Variants in RSU1 observed in about 807,000 individuals in gnomAD.
RSU1 encodes rsu-1.
RSU1 carries 26 observed loss-of-function variants against 31.1 expected under a neutral mutation model. The observed-to-expected ratio is 0.84, with a 90% CI of 0.61 to 1.16. The LOEUF is 1.16. Ranked by LOEUF, RSU1 falls within the 50% of genes most tolerant of loss-of-function variation. The pLI is 0.00. For missense variants in RSU1, 320 were observed against 339.1 expected, an observed-to-expected ratio of 0.94 and a Z score of 0.44; for synonymous variants, 164 against 136.3, an observed-to-expected ratio of 1.20 and a Z score of -1.41.
At chr10:16,759,145 A>G (rs1588516957) in intron 4 of RSU1, among the ~76,000 whole-genome samples, 1 of 152,070 alleles carries the variant, frequency 6.6e-6, no homozygotes, top group Non-Finnish European at 1.5e-5. Flanking sequence ...CTTCTTGTCT[A>G]AAGGCACTAA....
At chr10:16,666,429 C>A (rs1834989270) in intron 8 of RSU1, among the ~76,000 whole-genome samples, 1 of 152,194 alleles carries the variant, frequency 6.6e-6, no homozygotes, top group Non-Finnish European at 1.5e-5. Flanking sequence ...ACATGTTGAT[C>A]TGAAGATACT....
intron 4 of RSU1, among the ~76,000 whole-genome samples, chr10:16,756,633 A>G (rs1837092076): frequency 6.6e-6 from 1 of 152,270 alleles, no homozygotes; most frequent in South Asian, 2.1e-4. Flanking sequence ...TACATGTAAC[A>G]TACAAAATAT....
At chr10:16,711,439 G>A (rs955952646) in intron 7 of RSU1, among the ~76,000 whole-genome samples, 1 of 152,054 alleles carries the variant, frequency 6.6e-6, no homozygotes, top group African/African-American at 2.4e-5. Context: ...TTTGGGTTCA[G>A]TTTGTTCTTG....
intron 8 of RSU1, among the ~76,000 whole-genome samples, chr10:16,641,235 T>C (rs563869397): frequency 1.7e-3 from 266 of 152,304 alleles, no homozygotes; most frequent in Non-Finnish European, 3.0e-3. Context: ...CACCAACTAA[T>C]TGGTTATGTT....
intron 2 of RSU1, among the ~76,000 whole-genome samples, chr10:16,813,966 C>A (rs1838467964): frequency 6.6e-6 from 1 of 152,144 alleles, no homozygotes; most frequent in East Asian, 1.9e-4. Flanking sequence ...TAGTACAAAA[C>A]CTTACTTTTA....
At chr10:16,653,659 C>G (rs1432246770) in intron 8 of RSU1, among the ~76,000 whole-genome samples, 2 of 151,948 alleles carry the variant, frequency 1.3e-5, no homozygotes, top group African/African-American at 4.8e-5. Context: ...GCTACAAACA[C>G]TGAGTATTAT....
intron 7 of RSU1, among the ~76,000 whole-genome samples, chr10:16,722,234 A>G (rs1836279787): frequency 6.6e-6 from 1 of 152,176 alleles, no homozygotes; most frequent in East Asian, 1.9e-4. Flanking sequence ...AAAACAGAGT[A>G]CTGTTTTTCT....
At chr10:16,801,089 CTTT>C (rs375892886) in intron 2 of RSU1, among the ~76,000 whole-genome samples, 113 of 137,804 alleles carry the variant, frequency 8.2e-4, no homozygotes, top group Middle Eastern at 4.0e-3. Flanking sequence ...CAGTGTGGAT[CTTT>C]TTTTTAAAAA....
At chr10:16,752,013 T>C (rs1183392537) in intron 7 of RSU1, among the ~76,000 whole-genome samples, 1 of 152,080 alleles carries the variant, frequency 6.6e-6, no homozygotes, top group Non-Finnish European at 1.5e-5. Context: ...AAGAACATAT[T>C]TAACAATTCC....
intron 8 of RSU1, among the ~76,000 whole-genome samples, chr10:16,666,259 T>A (rs965081259): frequency 6.6e-6 from 1 of 152,186 alleles, no homozygotes; most frequent in African/African-American, 2.4e-5. Context: ...AGGATATGAT[T>A]TGAAATAATA....
At chr10:16,704,951 C>A (rs186904954) in intron 7 of RSU1, among the ~76,000 whole-genome samples, 11 of 152,052 alleles carry the variant, frequency 7.2e-5, no homozygotes, top group South Asian at 2.1e-4. Flanking sequence ...GTGCAAACAC[C>A]ACTGTACCAT....
At chr10:16,632,714 A>AT (rs1834274982) in intron 8 of RSU1, among the ~76,000 whole-genome samples, 1 of 152,114 alleles carries the variant, frequency 6.6e-6, no homozygotes, top group South Asian at 2.1e-4. Context: ...CGAGATGGGC[A>AT]TATCACTTGA....
intron 7 of RSU1, among the ~76,000 whole-genome samples, chr10:16,734,335 C>T (rs907708261): frequency 1.3e-5 from 2 of 152,110 alleles, no homozygotes; most frequent in Non-Finnish European, 2.9e-5. Flanking sequence ...TTCATGAATC[C>T]TGTGCTCACA....
chr10:16,688,094 T>C (rs1835472593), intron 8 of RSU1, among the ~76,000 whole-genome samples: 1 of 152,170 alleles, frequency 6.6e-6, no homozygotes, highest in Non-Finnish European at 1.5e-5. Flanking sequence ...TTTTGTGTTT[T>C]AAAATGTGAT....
At chr10:16,799,031 A>T (rs1055857925) in intron 2 of RSU1, among the ~76,000 whole-genome samples, 1 of 152,198 alleles carries the variant, frequency 6.6e-6, no homozygotes, top group African/African-American at 2.4e-5. Context: ...CAAAATAACT[A>T]GAGATACATT....
At chr10:16,626,739 C>T (rs1834164481) in intron 8 of RSU1, among the ~76,000 whole-genome samples, 1 of 152,190 alleles carries the variant, frequency 6.6e-6, no homozygotes, top group South Asian at 2.1e-4. Context: ...GGTGGCAACG[C>T]TTCACTGTAG....
intron 2 of RSU1, among the ~76,000 whole-genome samples, chr10:16,786,733 T>C (rs1837799789): frequency 6.6e-6 from 1 of 152,324 alleles, no homozygotes; most frequent in East Asian, 1.9e-4. Flanking sequence ...GTATTTGTAA[T>C]TCTCTCCTCT....
At chr10:16,683,448 T>C (rs191358829) in intron 8 of RSU1, among the ~76,000 whole-genome samples, 1 of 152,338 alleles carries the variant, frequency 6.6e-6, no homozygotes, top group Admixed American at 6.5e-5. Flanking sequence ...TCCACTATAA[T>C]GGTTAATTTG....
chr10:16,619,507 A>G (rs1257760431), intron 8 of RSU1, among the ~76,000 whole-genome samples: 1 of 152,168 alleles, frequency 6.6e-6, no homozygotes, highest in African/African-American at 2.4e-5. Flanking sequence ...TAAAACAGAA[A>G]CAGAGGGAAT....
Sources: allele counts gnomAD v4.1 joint callset (sites outside exome capture counted in the v4.1 genomes callset), GRCh38; gene constraint gnomAD v4.1.1; transcripts MANE v1.5; gene names NCBI Gene and HGNC (gene_info 2026-07-23, HGNC 2026-07-21).